Variants in JCAD observed in about 807,000 individuals in gnomAD.
The protein encoded by JCAD is junctional cadherin 5 associated, also known as junctional cadherin 5-associated protein.
In JCAD, 40 loss-of-function variants were observed where a neutral mutation model predicts 98.0. That is an observed-to-expected ratio of 0.41 (90% CI 0.32 to 0.53). The LOEUF (loss-of-function observed/expected upper bound fraction) is 0.53, where lower values mean the gene tolerates loss of function less well. Ranked by LOEUF, JCAD falls within the 20% of genes least tolerant of loss-of-function variation. The pLI is 0.31. For synonymous variants in JCAD, 691 were observed against 682.3 expected (o/e 1.01, Z -0.20); for missense variants, 1,705 against 1,738.1 (o/e 0.98, Z 0.34).
chr10:30,058,285 G>A (rs902820466), intron 1 of JCAD, among the ~76,000 whole-genome samples: 1 of 152,100 alleles, frequency 6.6e-6, no homozygotes, highest in Non-Finnish European at 1.5e-5. Context: ...GGTCTGCACC[G>A]CCCCACCCCT....
chr10:30,115,073 G>A lies in JCAD; in HGVS notation n.128+294C>T, dbSNP rs906540701. The stretch of plus-strand genomic sequence containing the variant: ...CCCCAGACAGTGAATAAGACCAACC[G>A]ACTGTTTTCTACCTTTGTAATCTAT... On this transcript the variant is annotated intron_variant and non_coding_transcript_variant, in intron 1 of 2. Transcript: ENST00000465712. Among the ~76,000 whole-genome samples the A allele has an allele frequency of 2.0e-4, 30 of 152,268 alleles. 1 individual carries two copies. The highest frequency in any genetic ancestry group is 6.5e-4 in the African/African-American group (27 of 41,534).
At chr10:30,076,185 G>A (rs1479794383) in intron 1 of JCAD, among the ~76,000 whole-genome samples, 2 of 151,920 alleles carry the variant, frequency 1.3e-5, no homozygotes, top group East Asian at 1.9e-4. Flanking sequence ...TACCACACCC[G>A]GCTAAATTTT....
intron 1 of JCAD, among the ~76,000 whole-genome samples, chr10:30,071,415 CT>C (rs1837887812): frequency 6.6e-6 from 1 of 152,148 alleles, no homozygotes. Flanking sequence ...GGACAAAAAT[CT>C]TCTAATGTTG....
intron 2 of JCAD, among the ~76,000 whole-genome samples, chr10:30,066,227 C>T (rs904369461): frequency 6.6e-6 from 1 of 152,174 alleles, no homozygotes; most frequent in African/African-American, 2.4e-5. Flanking sequence ...TGAAACAAAA[C>T]CTACAATGCT....
chr10:30,045,906 T>C (rs1042331990), intron 2 of JCAD, among the ~76,000 whole-genome samples: 13 of 152,334 alleles, frequency 8.5e-5, no homozygotes, highest in South Asian at 2.1e-4. Context: ...TCTCCAATAA[T>C]GTGTTAAGTG....
intron 1 of JCAD, among the ~76,000 whole-genome samples, chr10:30,070,786 G>A (rs1262976669): frequency 6.6e-6 from 1 of 152,192 alleles, no homozygotes; most frequent in African/African-American, 2.4e-5. Context: ...CTTATTTGGG[G>A]TCAGGGGCTA....
intron 1 of JCAD, among the ~76,000 whole-genome samples, chr10:30,071,456 C>T (rs1319863691): frequency 6.6e-6 from 1 of 152,114 alleles, no homozygotes. Context: ...AATCTGATTT[C>T]AAGCCACGTG....
At position 30,103,736 on chromosome 10, in the gene JCAD, T is replaced by TC. The variant is rs1343541978; in HGVS notation, n.128+11630_128+11631insG. ...AACAGTTAGTGAGTCAATTTTTCTTTTTTTTTTTTTTTTTGGACAGAGTTT... is the reference window on the plus strand; with the variant it reads ...AACAGTTAGTGAGTCAATTTTTCTTTCTTTTTTTTTTTTTTGGACAGAGTTT... On this transcript the variant is annotated intron_variant and non_coding_transcript_variant, in intron 1 of 2. Coordinates refer to the JCAD transcript ENST00000465712. 4.9e-3 allele frequency among the ~76,000 whole-genome samples: 709 copies of TC among 146,130 alleles called. 10 individuals carry two copies. The highest frequency in any genetic ancestry group is 0.018 in the African/African-American group (684 of 38,324).
In JCAD at chr10:30,017,686, A is replaced by AC. The variant is rs1836562937; in HGVS notation, c.*196dup. 1 of 640,634 alleles carries AC rather than the reference A, an allele frequency of 1.6e-6. No individual in the cohort carries two copies. The allele number at this position is 640,634 out of a possible 1,614,324, so 39.7% of individuals were successfully genotyped here. A position where few individuals can be genotyped will look rare whatever the true frequency, so the allele number is the denominator to read the frequency against. ...CTATAAAAACAGATGGTTTCAACGG[A>AC]CGATTGCTTTATCGCCACAAAGCAA... On this transcript the variant is annotated 3_prime_UTR_variant, in exon 4 of 4. Transcript: ENST00000375377.
Position 30,028,778 on chromosome 10 carries a change from G to C in JCAD, c.1370C>G (p.Pro457Arg). The C allele has an allele frequency of 2.5e-6, 4 of 1,614,248 alleles. No homozygotes were observed. The highest frequency in any genetic ancestry group is 3.4e-6 in the Non-Finnish European group (4 of 1,180,052). ...ATGAGCCGGCTCTTGAGCAGTGACA[G>C]GACTGGAGTTATATGATTTATCGTC... ...KLDDKSYNSS[P>R]VTAQEPAHGG... The change falls in exon 3 of 4, where the codon CCT becomes CGT. Residue 457 changes from proline (P) to arginine (R), a missense_variant. Coordinates refer to ENST00000375377, the MANE Select transcript of JCAD (RefSeq NM_020848.4).
At chr10:30,054,477 A>G (rs922588840) in intron 1 of JCAD, among the ~76,000 whole-genome samples, 16 of 151,836 alleles carry the variant, frequency 1.1e-4, no homozygotes, top group Admixed American at 3.3e-4. Flanking sequence ...ACTTAAGTAT[A>G]TATAACAACA....
chr10:30,083,703 T>G (rs546144252), intron 1 of JCAD, among the ~76,000 whole-genome samples: 2 of 152,300 alleles, frequency 1.3e-5, no homozygotes, highest in African/African-American at 4.8e-5. Context: ...AAGTCAGGCA[T>G]GAGTCAGAAA....
In JCAD at chr10:30,016,511, G is replaced by A. The variant is rs1360076623; in HGVS notation, c.*1372C>T. The A allele has an allele frequency of 6.6e-6, 1 of 152,122 alleles. No homozygotes were observed. The highest frequency in any genetic ancestry group is 1.5e-5 in the Non-Finnish European group (1 of 68,026). The allele number at this position is 152,122 out of a possible 1,614,324, so 9.4% of individuals were successfully genotyped here. On this transcript the variant is annotated 3_prime_UTR_variant, in exon 4 of 4. Coordinates refer to ENST00000375377, the MANE Select transcript of JCAD (RefSeq NM_020848.4). ...TGAAAAAATGCATAAACTTTGTGCAGGTTAATGCAGTATTAAACACAGTAG... is the reference window on the plus strand; with the variant it reads ...TGAAAAAATGCATAAACTTTGTGCAAGTTAATGCAGTATTAAACACAGTAG...
At chr10:30,020,934 G>C (rs138667558) in intron 3 of JCAD, among the ~76,000 whole-genome samples, 1 of 152,114 alleles carries the variant, frequency 6.6e-6, no homozygotes, top group Non-Finnish European at 1.5e-5. Context: ...CATAACACTA[G>C]GCATGGAACA....
In JCAD at chr10:30,035,727, C is replaced by T. The variant is rs528242214; in HGVS notation, c.282-5861G>A. On this transcript the variant is annotated intron_variant, in intron 2 of 3. Coordinates refer to ENST00000375377, the MANE Select transcript of JCAD (RefSeq NM_020848.4). ...ATTTTAAAAGACATTAACAATGGCA[C>T]TTCTAGGAAAACATGCTGAACACAT... Among the ~76,000 whole-genome samples the T allele has an allele frequency of 8.5e-5, 13 of 152,316 alleles. No homozygotes were observed. In the South Asian group the frequency reaches 2.7e-3, roughly 32 times the overall value.
chr10:30,076,361 G>A (rs1206929702), intron 1 of JCAD, among the ~76,000 whole-genome samples: 1 of 152,172 alleles, frequency 6.6e-6, no homozygotes. Context: ...TACCCGTACA[G>A]AAATCTGACA....
At chr10:30,108,193 TC>T (rs1838621324) in intron 1 of JCAD, among the ~76,000 whole-genome samples, 1 of 151,832 alleles carries the variant, frequency 6.6e-6, no homozygotes, top group African/African-American at 2.4e-5. Flanking sequence ...ACACCTGTAA[TC>T]CCAGCTACTT....
intron 1 of JCAD, among the ~76,000 whole-genome samples, chr10:30,088,453 A>C (rs1471773542): frequency 6.6e-6 from 1 of 152,138 alleles, no homozygotes; most frequent in Non-Finnish European, 1.5e-5. Flanking sequence ...TAGAGCAAGC[A>C]GAGAGATCGG....
At chr10:30,084,827 A>ATCTG (rs768008847) in intron 1 of JCAD, among the ~76,000 whole-genome samples, 1 of 148,270 alleles carries the variant, frequency 6.7e-6, no homozygotes, top group Non-Finnish European at 1.5e-5. Context: ...CTATCTATCT[A>ATCTG]TCTGTGTATC....
Sources: gnomAD v4.1 joint callset for allele counts (sites outside exome capture counted in the v4.1 genomes callset) on GRCh38, gnomAD v4.1.1 for gene constraint, MANE v1.5 for transcripts, NCBI Gene and HGNC (gene_info 2026-07-23, HGNC 2026-07-21) for gene names.